RPS6KC1: variants seen among roughly 807,000 people sequenced by gnomAD.
The protein encoded by RPS6KC1 is ribosomal protein S6 kinase C1.
Under a neutral mutation model 103.8 loss-of-function variants are expected in RPS6KC1, and 54 were observed. The observed-to-expected ratio is 0.52, with a 90% confidence interval of 0.42 to 0.65. RPS6KC1 has a LOEUF of 0.65. RPS6KC1 is among the 30% of genes least tolerant of loss of function. RPS6KC1 has a pLI of 0.00. For synonymous variants in RPS6KC1, 439 were observed against 438.7 expected (o/e 1.00, Z -0.01); for missense variants, 1,151 against 1,253.8 (o/e 0.92, Z 1.24).
At chr1:213,733,350 C>T in the RPS6KC1 span, among the ~76,000 whole-genome samples, 1 of 151,786 alleles carries the variant, frequency 6.6e-6, no homozygotes, top group African/African-American at 2.4e-5. Flanking sequence ...AGTTATTCTC[C>T]CACCTCTGCC....
chr1:213,102,304 G>A (rs2082088105), intron 3 of RPS6KC1, among the ~76,000 whole-genome samples: 1 of 152,116 alleles, frequency 6.6e-6, no homozygotes, highest in Non-Finnish European at 1.5e-5. Context: ...CCCAGGCTGA[G>A]TTGAACTCCT....
At chr1:213,062,353 A>G (rs891646984) in intron 1 of RPS6KC1, among the ~76,000 whole-genome samples, 1 of 152,180 alleles carries the variant, frequency 6.6e-6, no homozygotes, top group South Asian at 2.1e-4. Flanking sequence ...TCCCCAATAT[A>G]TTTCATGTAT....
the RPS6KC1 span, among the ~76,000 whole-genome samples, chr1:213,744,642 C>T: frequency 6.6e-6 from 1 of 152,150 alleles, no homozygotes; most frequent in Admixed American, 6.6e-5. Context: ...TCCTTGCCAG[C>T]CCTAATACCC....
chr1:213,652,705 C>T, the RPS6KC1 span, among the ~76,000 whole-genome samples: 1 of 152,164 alleles, frequency 6.6e-6, no homozygotes, highest in Admixed American at 6.5e-5. Flanking sequence ...GCATGTGAGG[C>T]CACATGGAGG....
chr1:213,501,144 T>C, the RPS6KC1 span, among the ~76,000 whole-genome samples: 2 of 152,192 alleles, frequency 1.3e-5, no homozygotes, highest in South Asian at 2.1e-4. Flanking sequence ...ACATATGAAA[T>C]AGTAGTTTAG....
chr1:213,521,392 T>A, the RPS6KC1 span, among the ~76,000 whole-genome samples: 1 of 152,228 alleles, frequency 6.6e-6, no homozygotes, highest in Non-Finnish European at 1.5e-5. Context: ...CGTGAGTCAA[T>A]CTCTCTACTT....
chr1:213,229,244 A>G lies in RPS6KC1; in HGVS notation c.1045-1253A>G, dbSNP rs183945040. Among the ~76,000 whole-genome samples, 440 of 152,324 alleles carry G rather than the reference A, an allele frequency of 2.9e-3. 1 individual carries two copies. Among genetic ancestry groups the G allele is most frequent in the Non-Finnish European group, 5.1e-3 (350 of 68,020 alleles). On this transcript the variant is annotated intron_variant, in intron 8 of 14. Coordinates refer to ENST00000366960, the MANE Select transcript of RPS6KC1 (RefSeq NM_012424.6). ...TTTAATATCTAAAATGGAATTTTCC[A>G]TCTTCTCGAACTGGTTTCCCATCTC...
the RPS6KC1 span, among the ~76,000 whole-genome samples, chr1:213,696,183 T>A: frequency 2.6e-5 from 4 of 152,178 alleles, no homozygotes; most frequent in African/African-American, 9.7e-5. Flanking sequence ...CCTTCCTTGA[T>A]TACTGCTATT....
chr1:213,474,495 G>A, the RPS6KC1 span, among the ~76,000 whole-genome samples: 1 of 152,144 alleles, frequency 6.6e-6, no homozygotes, highest in African/African-American at 2.4e-5. Flanking sequence ...GCATATGGGA[G>A]GTGGGAAAAT....
intron 8 of RPS6KC1, among the ~76,000 whole-genome samples, chr1:213,183,091 A>T (rs940500770): frequency 6.6e-6 from 1 of 152,026 alleles, no homozygotes; most frequent in Non-Finnish European, 1.5e-5. Flanking sequence ...AGGACATTAG[A>T]TAATGATAAA....
the RPS6KC1 span, among the ~76,000 whole-genome samples, chr1:213,823,811 C>A: frequency 6.6e-6 from 1 of 151,064 alleles, no homozygotes. Context: ...TAAGATCTTG[C>A]GTTGAACCAA....
the RPS6KC1 span, among the ~76,000 whole-genome samples, chr1:213,572,571 T>G: frequency 6.6e-6 from 1 of 152,246 alleles, no homozygotes; most frequent in African/African-American, 2.4e-5. Flanking sequence ...GCAGGTTATC[T>G]AAAGTGAATA....
At chr1:213,693,903 A>G in the RPS6KC1 span, among the ~76,000 whole-genome samples, 1 of 152,226 alleles carries the variant, frequency 6.6e-6, no homozygotes, top group African/African-American at 2.4e-5. Flanking sequence ...GTCTAGACAC[A>G]GTCCTTGAGT....
chr1:213,171,854 C>T lies in RPS6KC1; in HGVS notation c.951+3881C>T, dbSNP rs754416876. Among the ~76,000 whole-genome samples, 104 of 152,002 alleles carry T rather than the reference C, an allele frequency of 6.8e-4. 1 individual carries two copies. Among genetic ancestry groups the T allele is most frequent in the Non-Finnish European group, 1.2e-3 (80 of 68,012 alleles). ...GGGGTATTAGGGTTGGTAGATTGCC[C>T]GTGAAAGTCTTTGCAAAGCCAAAAA... On this transcript the variant is annotated intron_variant, in intron 7 of 14. Coordinates refer to ENST00000366960, the MANE Select transcript of RPS6KC1 (RefSeq NM_012424.6).
At chr1:213,318,013 T>G in the RPS6KC1 span, among the ~76,000 whole-genome samples, 2 of 152,254 alleles carry the variant, frequency 1.3e-5, no homozygotes, top group African/African-American at 4.8e-5. Flanking sequence ...CCTGGGCTCC[T>G]CTTGCCCAGC....
At chr1:213,428,159 C>A in the RPS6KC1 span, among the ~76,000 whole-genome samples, 3 of 152,172 alleles carry the variant, frequency 2.0e-5, no homozygotes, top group Admixed American at 6.5e-5. Flanking sequence ...TTTTCAGGAG[C>A]CTCACAGAGG....
the RPS6KC1 span, among the ~76,000 whole-genome samples, chr1:213,425,896 G>T: frequency 2.0e-4 from 30 of 152,264 alleles, no homozygotes; most frequent in South Asian, 6.2e-3. Flanking sequence ...GCGGGAAGGT[G>T]GGGAGGCTTC....
chr1:213,205,192 A>G (rs1356389185), intron 8 of RPS6KC1: 59 of 955,354 alleles, frequency 6.2e-5, no homozygotes, highest in Non-Finnish European at 7.2e-5. Context: ...GAAAGTTGCT[A>G]TCACAATGTA....
chr1:213,636,734 G>A, the RPS6KC1 span, among the ~76,000 whole-genome samples: 1 of 146,536 alleles, frequency 6.8e-6, no homozygotes, highest in African/African-American at 2.7e-5. Flanking sequence ...AACACCAAAA[G>A]CAATGGCAAC....
Sources: allele counts gnomAD v4.1 joint callset (sites outside exome capture counted in the v4.1 genomes callset), GRCh38; gene constraint gnomAD v4.1.1; transcripts MANE v1.5; gene names NCBI Gene and HGNC (gene_info 2026-07-23, HGNC 2026-07-21).